OTOGL: variants seen among roughly 807,000 people sequenced by gnomAD.
The protein encoded by OTOGL is otogelin-like protein.
In OTOGL, 285 loss-of-function variants were observed where a neutral mutation model predicts 318.5. That is an observed-to-expected ratio of 0.89 (90% CI 0.81 to 0.99). OTOGL has a LOEUF of 0.99. OTOGL is among the 50% of genes least tolerant of loss of function. The pLI, the probability that OTOGL is intolerant of heterozygous loss-of-function variation, is 0.00. For synonymous variants in OTOGL, 987 were observed against 936.5 expected (o/e 1.05, Z -0.99); for missense variants, 2,899 against 2,845.6 (o/e 1.02, Z -0.43).
intron 11 of OTOGL, among the ~76,000 whole-genome samples, chr12:80,241,345 G>C (rs1042582160): frequency 6.6e-6 from 1 of 152,054 alleles, no homozygotes; most frequent in Non-Finnish European, 1.5e-5. Flanking sequence ...AGCCTTGAAA[G>C]AACCCCCACT....
chr12:80,304,309 G>A (rs1321914926), intron 28 of OTOGL, among the ~76,000 whole-genome samples: 1 of 151,770 alleles, frequency 6.6e-6, no homozygotes, highest in Non-Finnish European at 1.5e-5. Context: ...ATTAAATATT[G>A]TTAGTTTACT....
chr12:80,361,959 T>G (rs2138053090), intron 52 of OTOGL, among the ~76,000 whole-genome samples: 1 of 152,332 alleles, frequency 6.6e-6, no homozygotes, highest in African/African-American at 2.4e-5. Flanking sequence ...TTGTTTCCTT[T>G]GCTGTGCAGA....
chr12:80,363,318 A>C (rs547033808), intron 52 of OTOGL, among the ~76,000 whole-genome samples: 1 of 152,324 alleles, frequency 6.6e-6, no homozygotes, highest in Non-Finnish European at 1.5e-5. Flanking sequence ...GTATAGGATG[A>C]AAATCATGAT....
At chr12:80,133,996 A>T (rs1488157243) in intron 1 of OTOGL, among the ~76,000 whole-genome samples, 1 of 152,144 alleles carries the variant, frequency 6.6e-6, no homozygotes, top group Non-Finnish European at 1.5e-5. Context: ...GCTAAAATAA[A>T]AAAAAAAGTA....
intron 1 of OTOGL, among the ~76,000 whole-genome samples, chr12:80,120,108 C>G (rs1173912004): frequency 6.6e-6 from 1 of 151,122 alleles, no homozygotes; most frequent in Non-Finnish European, 1.5e-5. Context: ...TGCTGGTTAT[C>G]TTTGAGCTTG....
At chr12:80,366,511 T>TATATATATATATATATATATATA (rs1555304842) in intron 52 of OTOGL, 63 bp from the exon 53 acceptor site, 135 of 176,322 alleles carry the variant, frequency 7.7e-4, no homozygotes, top group East Asian at 8.8e-4. Flanking sequence ...TATATATAGG[T>TATATATATATATATATATATATA]TATATATATA....
At chr12:80,249,117 C>T (rs1236285954) in intron 11 of OTOGL, among the ~76,000 whole-genome samples, 2 of 146,130 alleles carry the variant, frequency 1.4e-5, no homozygotes, top group Non-Finnish European at 3.0e-5. Flanking sequence ...TGAATGTCCT[C>T]CCGTAGCTCA....
At chr12:80,205,125 A>C (rs945794879) in intron 1 of OTOGL, among the ~76,000 whole-genome samples, 1 of 152,200 alleles carries the variant, frequency 6.6e-6, no homozygotes, top group Non-Finnish European at 1.5e-5. Flanking sequence ...AAATTATTGA[A>C]GATATAAAGG....
At chr12:80,355,646 G>A (rs1889842296) in intron 46 of OTOGL, 90 bp from the exon 47 acceptor site, 3 of 959,932 alleles carry the variant, frequency 3.1e-6, no homozygotes, top group Non-Finnish European at 4.7e-6. Flanking sequence ...ATGTCACTGG[G>A]CCATGTCACA....
intron 1 of OTOGL, among the ~76,000 whole-genome samples, chr12:80,196,141 A>C (rs1390748042): frequency 6.6e-6 from 1 of 152,192 alleles, no homozygotes; most frequent in Non-Finnish European, 1.5e-5. Context: ...TTTGCTGTGC[A>C]GGTGGATGAG....
chr12:80,143,708 A>T (rs1285310557), intron 1 of OTOGL, among the ~76,000 whole-genome samples: 1 of 152,168 alleles, frequency 6.6e-6, no homozygotes, highest in Non-Finnish European at 1.5e-5. Context: ...CAGGTCTGTC[A>T]CATTTGATAG....
chr12:80,254,556 A>T lies in OTOGL; in HGVS notation c.1427A>T (p.Glu476Val). Residue 476 changes from glutamate to valine, a missense_variant, in exon 15 of 59, where the codon GAG becomes GTG. This residue lies in a region of OTOGL where 2,607 missense variants were observed against 2,524.9 expected (regional missense o/e 1.03). Transcript: ENST00000547103. ...VCVGGVWNCT[E>V]QDCPVQCSVV... ...GTTGGTGGAGTTTGGAACTGCACTG[A>T]GCAAGACTGTCCAGGTAATTTTTTA... 2 of 1,607,548 alleles carry T rather than the reference A, an allele frequency of 1.2e-6. No homozygotes were observed.
rs944277064 is a variant in OTOGL at position 80,167,941 on chromosome 12, C to A, written c.-19-41472C>A. 2.0e-5 allele frequency among the ~76,000 whole-genome samples: 3 copies of A among 151,564 alleles called. No individual in the cohort carries two copies. In the South Asian group the frequency reaches 6.2e-4, roughly 32 times the overall value. The stretch of plus-strand genomic sequence containing the variant: ...TTTCTCTTCTTTTCTTTTTTCTTTT[C>A]TCCTCTCCTCTCCTTGCCTCTCCTC... On this transcript the variant is annotated intron_variant, in intron 1 of 58. Coordinates refer to ENST00000547103, the MANE Select transcript of OTOGL (RefSeq NM_001378609.3).
chr12:80,209,311 C>T (rs1010353403), intron 1 of OTOGL, 102 bp from the exon 2 acceptor site: 3 of 581,906 alleles, frequency 5.2e-6, no homozygotes, highest in Admixed American at 7.5e-5. Context: ...TTTTGAATTA[C>T]TTTATTACAT....
chr12:80,268,719 C>T (rs1308032824), intron 22 of OTOGL, among the ~76,000 whole-genome samples: 17 of 152,060 alleles, frequency 1.1e-4, no homozygotes, highest in Admixed American at 9.8e-4. Context: ...ATTTTACTTT[C>T]TACGCGTAGT....
At position 80,347,758 on chromosome 12, in the gene OTOGL, C is replaced by G. The variant is rs1039208973; in HGVS notation, c.5266-4537C>G. Among the ~76,000 whole-genome samples the G allele has an allele frequency of 2.6e-5, 4 of 152,112 alleles. No homozygotes were observed. In the East Asian group the frequency reaches 7.7e-4, roughly 29 times the overall value. ...CCACCGACAGTGTAAACATGTTCCT[C>G]TTTCTCCACATCCTCTCCAGCATCT... is the stretch of plus-strand genomic sequence containing the variant. On this transcript the variant is annotated intron_variant, in intron 44 of 58. Transcript: ENST00000547103.
rs1889152615 is a variant in OTOGL, at chr12:80,345,671, C to CT, written c.5265+3511dup. 2.6e-5 allele frequency among the ~76,000 whole-genome samples: 4 copies of CT among 151,664 alleles called. No homozygotes were observed. In the South Asian group the frequency reaches 8.4e-4, roughly 32 times the overall value. On this transcript the variant is annotated intron_variant, in intron 44 of 58. Coordinates refer to ENST00000547103, the MANE Select transcript of OTOGL (RefSeq NM_001378609.3). ...GGTCAAGAAGAACTCACAAAATTGG[C>CT]TTATTTTGCAGATTTTTTTCAAGAG...
chr12:80,133,573 C>T (rs1434573745), intron 1 of OTOGL: 1 of 151,942 alleles, frequency 6.6e-6, no homozygotes, highest in Non-Finnish European at 1.5e-5. Context: ...ATGGAGCAGC[C>T]CAGGATACAA....
chr12:80,231,675 C>T (rs61393488), intron 8 of OTOGL, among the ~76,000 whole-genome samples: 10,501 of 151,926 alleles, frequency 0.069, 1,253 homozygotes, highest in African/African-American at 0.24. Context: ...CACTCTGTTG[C>T]CCAGTCTGGA....
Sources: allele counts gnomAD v4.1 joint callset (sites outside exome capture counted in the v4.1 genomes callset), GRCh38; gene constraint gnomAD v4.1.1; regional missense constraint gnomAD v4.1.1; transcripts MANE v1.5; gene names NCBI Gene and HGNC (gene_info 2026-07-23, HGNC 2026-07-21).